Variants in AUTS2 observed in about 807,000 individuals in gnomAD.
AUTS2 encodes the protein autism susceptibility gene 2 protein.
AUTS2 carries 17 observed loss-of-function variants against 112.4 expected under a neutral mutation model. The observed-to-expected ratio is 0.15, with a 90% CI of 0.10 to 0.23. The LOEUF (loss-of-function observed/expected upper bound fraction) is 0.23, where lower values mean the gene tolerates loss of function less well. Among genes scored for constraint, AUTS2 ranks in the 10% least tolerant of loss-of-function variants. AUTS2 has a pLI of 1.00. For missense variants in AUTS2, 1,510 were observed against 1,701.6 expected (o/e 0.89, Z 1.98); for synonymous variants, 751 against 702.7 (o/e 1.07, Z -1.09).
intron 1 of AUTS2, among the ~76,000 whole-genome samples, chr7:69,876,351 T>A (rs10259855): frequency 0.012 from 534 of 44,672 alleles, 8 homozygotes; most frequent in East Asian, 0.03. Flanking sequence ...AAAAAAAAAA[T>A]ATATATATAT....
intron 5 of AUTS2, among the ~76,000 whole-genome samples, chr7:70,492,184 G>A (rs1483371417): frequency 1.3e-5 from 2 of 152,126 alleles, no homozygotes; most frequent in Non-Finnish European, 2.9e-5. Context: ...GGGTGCAGGT[G>A]TTCCCTAACC....
chr7:70,618,553 T>C (rs1021807453), intron 5 of AUTS2, among the ~76,000 whole-genome samples: 6 of 152,320 alleles, frequency 3.9e-5, no homozygotes, highest in Middle Eastern at 3.4e-3. Context: ...CTGTGCCCTA[T>C]TGAGAATTAA....
chr7:69,768,396 T>C (rs188454241), intron 1 of AUTS2, among the ~76,000 whole-genome samples: 101 of 152,320 alleles, frequency 6.6e-4, no homozygotes, highest in African/African-American at 2.4e-3. Flanking sequence ...GTTTCATAGA[T>C]AGTGAAAAAG....
At position 69,598,604 on chromosome 7, in the gene AUTS2, G is replaced by A; in HGVS notation, c.-1050G>A. 2 of 180,280 alleles carry A rather than the reference G, an allele frequency of 1.1e-5. No individual in the cohort carries two copies. Among genetic ancestry groups the A allele is most frequent in the South Asian group, 1.8e-4 (2 of 10,860 alleles). 11.2% of individuals were successfully genotyped at this position (180,280 alleles called of 1,614,324 possible). A position where few individuals can be genotyped will look rare whatever the true frequency, so the allele number is the denominator to read the frequency against. ...CGGCGAGAGCAGCGTTCCCGGCTGCGCTTCTCCCTCAGGCGGGGCGGCGAG... is the reference window on the plus strand; with the variant it reads ...CGGCGAGAGCAGCGTTCCCGGCTGCACTTCTCCCTCAGGCGGGGCGGCGAG... On this transcript the variant is annotated 5_prime_UTR_variant, in exon 1 of 19. Transcript: ENST00000342771.
intron 1 of AUTS2, among the ~76,000 whole-genome samples, chr7:69,713,204 A>C (rs540822138): frequency 1.3e-5 from 2 of 152,166 alleles, no homozygotes; most frequent in Non-Finnish European, 2.9e-5. Flanking sequence ...TAGCATATCT[A>C]CCACCTCATA....
Position 70,587,548 on chromosome 7 carries a change from T to C in AUTS2, c.691-111021T>C, listed in dbSNP as rs576313022. On this transcript the variant is annotated intron_variant, in intron 5 of 18. Transcript: ENST00000342771. ...TTGCAGCATCTGTACACAGGTGATC[T>C]GTATACAGCAAGTGATTCCTGTAAG... 1.5e-4 allele frequency among the ~76,000 whole-genome samples: 23 copies of C among 152,352 alleles called. No homozygotes were observed. In the South Asian group the frequency reaches 4.8e-3, roughly 32 times the overall value.
intron 2 of AUTS2, among the ~76,000 whole-genome samples, chr7:70,004,717 A>G (rs996316404): frequency 3.3e-5 from 5 of 151,638 alleles, no homozygotes; most frequent in Non-Finnish European, 5.9e-5. Context: ...AGCTGGGGGA[A>G]AAAAAATTAC....
At chr7:70,044,508 G>A (rs961737418) in intron 2 of AUTS2, among the ~76,000 whole-genome samples, 2 of 152,004 alleles carry the variant, frequency 1.3e-5, no homozygotes, top group African/African-American at 2.4e-5. Flanking sequence ...ATAATCCAGC[G>A]TGTGTTAGAT....
chr7:70,495,955 G>A (rs13237731), intron 5 of AUTS2, among the ~76,000 whole-genome samples: 5,644 of 88,024 alleles, frequency 0.064, 172 homozygotes, highest in Middle Eastern at 0.12. Flanking sequence ...CCCCACACAT[G>A]CACACGTCAC....
At chr7:69,616,224 A>T (rs935297542) in intron 1 of AUTS2, among the ~76,000 whole-genome samples, 2 of 152,192 alleles carry the variant, frequency 1.3e-5, no homozygotes, top group Admixed American at 1.3e-4. Flanking sequence ...AAAGCAGGCT[A>T]AGCCAGGAAT....
chr7:70,537,815 G>A (rs1585271882), intron 5 of AUTS2, among the ~76,000 whole-genome samples: 1 of 152,184 alleles, frequency 6.6e-6, no homozygotes, highest in East Asian at 1.9e-4. Flanking sequence ...GAGCAGAAAT[G>A]GAAGTAAGAA....
At chr7:70,065,947 A>G (rs1563075852) in intron 2 of AUTS2, among the ~76,000 whole-genome samples, 1 of 152,074 alleles carries the variant, frequency 6.6e-6, no homozygotes, top group African/African-American at 2.4e-5. Flanking sequence ...GCTTCATGCG[A>G]TTCCCCTGCC....
rs190379898 is a variant in AUTS2 at position 70,384,579 on chromosome 7, C to T, written c.661-51173C>T. ...CTCAGCTCCAGGCTGCTGTGCACGG[C>T]GCCAACGGTGCCAAGAGCTTGTCTG... On this transcript the variant is annotated intron_variant, in intron 4 of 18. Coordinates refer to ENST00000342771, the MANE Select transcript of AUTS2 (RefSeq NM_015570.4). Among the ~76,000 whole-genome samples the T allele has an allele frequency of 4.1e-3, 617 of 152,268 alleles. 5 individuals are homozygous for T. Among genetic ancestry groups the T allele is most frequent in the African/African-American group, 0.014 (592 of 41,558 alleles).
chr7:69,996,835 A>G (rs7795152), intron 2 of AUTS2, among the ~76,000 whole-genome samples: 55,366 of 151,596 alleles, frequency 0.37, 10,666 homozygotes, highest in African/African-American at 0.49. Context: ...GTATGTTTAC[A>G]TGAAAAAATA....
intron 18 of AUTS2, 145 bp downstream of exon 18, chr7:70,787,576 G>A (rs1791592308): frequency 1.5e-5 from 9 of 620,168 alleles, no homozygotes; most frequent in South Asian, 3.9e-5. Context: ...GCCAGTGCCC[G>A]CAGCCCCTCG....
chr7:70,175,383 G>A (rs1808931561), intron 4 of AUTS2, among the ~76,000 whole-genome samples: 2 of 152,214 alleles, frequency 1.3e-5, no homozygotes, highest in African/African-American at 4.8e-5. Context: ...TGTGAATGTT[G>A]TTGAAACTAC....
intron 4 of AUTS2, among the ~76,000 whole-genome samples, chr7:70,208,794 A>G (rs1810708943): frequency 6.6e-6 from 1 of 151,928 alleles, no homozygotes; most frequent in Non-Finnish European, 1.5e-5. Flanking sequence ...AGCAGAAGAA[A>G]GAAGAAGTAC....
In AUTS2 at chr7:70,712,046, A is replaced by G. The variant is rs187983623; in HGVS notation, c.742+13426A>G. Among the ~76,000 whole-genome samples the G allele has an allele frequency of 5.7e-3, 859 of 150,246 alleles. 2 individuals carry two copies. Among genetic ancestry groups the G allele is most frequent in the Admixed American group, 1.0e-2 (150 of 15,064 alleles). ...CTTTTTCTTTCCTTTTTTTTTTGAG[A>G]CAGGGTCTCACTCTGTCGCCCAGGC... On this transcript the variant is annotated intron_variant, in intron 6 of 18. Coordinates refer to ENST00000342771, the MANE Select transcript of AUTS2 (RefSeq NM_015570.4).
chr7:69,709,147 G>A (rs969001428), intron 1 of AUTS2, among the ~76,000 whole-genome samples: 1 of 152,204 alleles, frequency 6.6e-6, no homozygotes, highest in African/African-American at 2.4e-5. Flanking sequence ...TAGAGGCCAG[G>A]TTTAGACTAC....
Sources: gnomAD v4.1 joint callset for allele counts (sites outside exome capture counted in the v4.1 genomes callset) on GRCh38, gnomAD v4.1.1 for gene constraint, MANE v1.5 for transcripts, NCBI Gene and HGNC (gene_info 2026-07-23, HGNC 2026-07-21) for gene names.